PLSCR2: variants seen among roughly 807,000 people sequenced by gnomAD.
The protein encoded by PLSCR2 is PL scramblase 2.
PLSCR2 carries 18 observed loss-of-function variants against 25.3 expected under a neutral mutation model. The observed-to-expected ratio is 0.71, with a 90% CI of 0.49 to 1.06. PLSCR2 has a LOEUF of 1.06. PLSCR2 is among the 50% of genes least tolerant of loss of function. PLSCR2 has a pLI of 0.00. For missense variants in PLSCR2, 243 were observed against 269.5 expected (o/e 0.90, Z 0.69); for synonymous variants, 88 against 87.3 (o/e 1.01, Z -0.04).
At chr3:146,442,107 TC>T (rs1435269378) in intron 6 of PLSCR2, among the ~76,000 whole-genome samples, 1 of 152,084 alleles carries the variant, frequency 6.6e-6, no homozygotes, top group Admixed American at 6.6e-5. Flanking sequence ...CCTGAAATCA[TC>T]CTTTTTCAAT....
downstream of PLSCR2, among the ~76,000 whole-genome samples, chr3:146,439,250 G>A (rs2040085453): frequency 6.6e-6 from 1 of 152,104 alleles, no homozygotes; most frequent in Admixed American, 6.5e-5. Context: ...ACAACTATGT[G>A]TCTTGGAGTT....
At chr3:146,468,826 TCA>T (rs1273704388) in intron 1 of PLSCR2, among the ~76,000 whole-genome samples, 2 of 152,140 alleles carry the variant, frequency 1.3e-5, no homozygotes, top group African/African-American at 4.8e-5. Flanking sequence ...ACAAAAAATC[TCA>T]CATTCTCCCA....
downstream of PLSCR2, among the ~76,000 whole-genome samples, chr3:146,438,168 T>C (rs1671008329): frequency 6.6e-6 from 1 of 152,200 alleles, no homozygotes; most frequent in South Asian, 2.1e-4. Context: ...TTCTTTTACA[T>C]TTGCTGAGGA....
intron 2 of PLSCR2, among the ~76,000 whole-genome samples, chr3:146,424,955 C>T (rs1308425612): frequency 6.6e-5 from 2 of 30,248 alleles, no homozygotes; most frequent in Middle Eastern, 0.024. Context: ...TGAAAGTTCT[C>T]AACTTAATAA....
rs541280705 is a variant in PLSCR2 at position 146,418,295 on chromosome 3, C to T, written c.101-22374G>A. Among the ~76,000 whole-genome samples, 3 of 152,194 alleles carry T rather than the reference C, an allele frequency of 2.0e-5. No individual in the cohort carries two copies. In the South Asian group the frequency reaches 6.2e-4, roughly 32 times the overall value. ...ACCCCATATCAAATCTCCAAAATCT[C>T]AACACATTACAGTATCTACTTAAGT... On this transcript the variant is annotated intron_variant and NMD_transcript_variant, in intron 2 of 3. Transcript: ENST00000463633.
chr3:146,461,867 A>G, upstream of PLSCR2: 1 of 1,280,694 alleles, frequency 7.8e-7, no homozygotes, highest in Non-Finnish European at 1.1e-6. Context: ...GAGTTCCATG[A>G]TCTCATATAT....
intron 1 of PLSCR2, among the ~76,000 whole-genome samples, chr3:146,475,811 C>T (rs1312318434): frequency 2.6e-5 from 4 of 152,144 alleles, no homozygotes; most frequent in Non-Finnish European, 4.4e-5. Context: ...TCACTGCTTG[C>T]ACAGAAACTT....
At chr3:146,482,993 T>A (rs1249342633) in intron 1 of PLSCR2, among the ~76,000 whole-genome samples, 1 of 150,940 alleles carries the variant, frequency 6.6e-6, no homozygotes, top group East Asian at 2.0e-4. Context: ...TCAAACACCA[T>A]AGTGTTGGAA....
chr3:146,438,748 T>C (rs1340012695), downstream of PLSCR2, among the ~76,000 whole-genome samples: 2 of 152,242 alleles, frequency 1.3e-5, no homozygotes, highest in African/African-American at 4.8e-5. Context: ...TCTGTGTCTT[T>C]TAATTGGAGC....
chr3:146,425,850 G>A (rs1314799612), intron 2 of PLSCR2, among the ~76,000 whole-genome samples: 1 of 152,090 alleles, frequency 6.6e-6, no homozygotes, highest in Non-Finnish European at 1.5e-5. Flanking sequence ...GAGAAAAGTG[G>A]ATTTTTGTTA....
chr3:146,439,849 C>T (rs1439570211), downstream of PLSCR2, among the ~76,000 whole-genome samples: 4 of 152,176 alleles, frequency 2.6e-5, no homozygotes, highest in Non-Finnish European at 4.4e-5. Flanking sequence ...AGAAGAGGCC[C>T]TCTGATTTCT....
chr3:146,490,133 A>G (rs1473320544), intron 1 of PLSCR2, among the ~76,000 whole-genome samples: 1 of 152,128 alleles, frequency 6.6e-6, no homozygotes, highest in Non-Finnish European at 1.5e-5. Context: ...GACTTCTGAA[A>G]CTGGAAAAGT....
At chr3:146,476,271 G>A (rs1003231154) in intron 1 of PLSCR2, among the ~76,000 whole-genome samples, 3 of 152,146 alleles carry the variant, frequency 2.0e-5, no homozygotes, top group Non-Finnish European at 2.9e-5. Context: ...GTGGTGCATC[G>A]CCTCACCTGA....
At chr3:146,470,411 G>T (rs1311419108) in intron 1 of PLSCR2, among the ~76,000 whole-genome samples, 2 of 152,026 alleles carry the variant, frequency 1.3e-5, no homozygotes, top group East Asian at 1.9e-4. Flanking sequence ...CAGGTGTGGT[G>T]GTGTGCCCCT....
intron 1 of PLSCR2, among the ~76,000 whole-genome samples, chr3:146,479,681 A>T (rs977882785): frequency 6.6e-6 from 1 of 152,214 alleles, no homozygotes; most frequent in Non-Finnish European, 1.5e-5. Context: ...GATCAATGAG[A>T]CAGAATGTTA....
intron 6 of PLSCR2, among the ~76,000 whole-genome samples, chr3:146,446,513 G>A (rs537586967): frequency 1.3e-5 from 2 of 152,218 alleles, no homozygotes; most frequent in East Asian, 3.9e-4. Context: ...CCCCAACAAG[G>A]AGCGTCTCTG....
At chr3:146,470,988 T>C (rs994136160) in intron 1 of PLSCR2, among the ~76,000 whole-genome samples, 1 of 152,198 alleles carries the variant, frequency 6.6e-6, no homozygotes, top group Non-Finnish European at 1.5e-5. Context: ...AAGCGCTCAG[T>C]AAATGTTATA....
chr3:146,393,497 T>C (rs1269236416), intron 3 of PLSCR2, among the ~76,000 whole-genome samples: 1 of 151,762 alleles, frequency 6.6e-6, no homozygotes, highest in Non-Finnish European at 1.5e-5. Flanking sequence ...TTGAGAAAAA[T>C]GTGTGTTGTC....
intron 1 of PLSCR2, 99 bp from the exon 1 acceptor site, chr3:146,469,660 T>A: frequency 1.4e-6 from 1 of 720,068 alleles, no homozygotes; most frequent in African/African-American, 1.9e-5. Context: ...CAGCAGCCCC[T>A]AGTTTAGGTT....
Sources: allele counts gnomAD v4.1 joint callset (sites outside exome capture counted in the v4.1 genomes callset), GRCh38; gene constraint gnomAD v4.1.1; transcripts MANE v1.5; gene names NCBI Gene and HGNC (gene_info 2026-07-23, HGNC 2026-07-21).